The following SDK1 variants were observed in gnomAD, a reference collection of about 807,000 sequenced individuals.
SDK1 encodes the protein protein sidekick-1.
Under a neutral mutation model 245.5 loss-of-function variants are expected in SDK1, and 157 were observed. That is an observed-to-expected ratio of 0.64 (90% CI 0.56 to 0.73). The LOEUF (loss-of-function observed/expected upper bound fraction) is 0.73, where lower values mean the gene tolerates loss of function less well. Ranked by LOEUF, SDK1 falls within the 30% of genes least tolerant of loss-of-function variation. The pLI, the probability that SDK1 is intolerant of heterozygous loss-of-function variation, is 0.00. For synonymous variants in SDK1, 1,647 were observed against 1,278.5 expected (o/e 1.29, Z -6.15); for missense variants, 3,583 against 3,002.3 (o/e 1.19, Z -4.52).
chr7:3,606,496 C>G (rs1417564009), intron 1 of SDK1, among the ~76,000 whole-genome samples: 6 of 152,130 alleles, frequency 3.9e-5, no homozygotes. Flanking sequence ...AGACTTCTTC[C>G]TCTTACTTTT....
intron 5 of SDK1, among the ~76,000 whole-genome samples, chr7:3,869,281 G>A (rs967551068): frequency 2.6e-5 from 4 of 151,046 alleles, no homozygotes; most frequent in Admixed American, 2.0e-4. Flanking sequence ...TCAGCCTTCC[G>A]GGTAGATGGG....
intron 14 of SDK1, among the ~76,000 whole-genome samples, chr7:4,002,811 C>G (rs2128145088): frequency 6.6e-6 from 1 of 152,268 alleles, no homozygotes; most frequent in East Asian, 1.9e-4. Context: ...TTTCGGAGCT[C>G]TTGTTAAGAA....
chr7:3,862,003 A>G (rs905099617), intron 5 of SDK1, among the ~76,000 whole-genome samples: 1 of 152,190 alleles, frequency 6.6e-6, no homozygotes, highest in African/African-American at 2.4e-5. Context: ...GCAGCAAACA[A>G]AGGCTGCCGA....
At chr7:4,092,076 C>T (rs1781842220) in intron 22 of SDK1, among the ~76,000 whole-genome samples, 1 of 152,220 alleles carries the variant, frequency 6.6e-6, no homozygotes, top group Non-Finnish European at 1.5e-5. Flanking sequence ...ATCCCAGCTC[C>T]ATCACTTTCT....
chr7:4,075,604 C>G (rs1780619371), intron 20 of SDK1, among the ~76,000 whole-genome samples: 1 of 151,874 alleles, frequency 6.6e-6, no homozygotes, highest in Non-Finnish European at 1.5e-5. Context: ...ATCACATTAA[C>G]TCCCCTCCAC....
intron 4 of SDK1, among the ~76,000 whole-genome samples, chr7:3,698,979 G>A (rs917870044): frequency 2.0e-5 from 3 of 152,132 alleles, no homozygotes; most frequent in Non-Finnish European, 2.9e-5. Flanking sequence ...AGAGGCCCAG[G>A]GGACGCTGGA....
At chr7:3,978,285 T>A (rs1045669373) in intron 13 of SDK1, among the ~76,000 whole-genome samples, 6 of 152,224 alleles carry the variant, frequency 3.9e-5, no homozygotes, top group African/African-American at 1.4e-4. Flanking sequence ...TAGCCCATTC[T>A]TTTTATTCTG....
intron 14 of SDK1, among the ~76,000 whole-genome samples, chr7:4,007,451 A>G (rs1398086143): frequency 6.6e-6 from 1 of 152,242 alleles, no homozygotes; most frequent in East Asian, 1.9e-4. Flanking sequence ...AGTCCCGAGG[A>G]CAGAGCTGGA....
chr7:3,918,205 A>G (rs1424510729), intron 5 of SDK1, among the ~76,000 whole-genome samples: 1 of 152,158 alleles, frequency 6.6e-6, no homozygotes, highest in Non-Finnish European at 1.5e-5. Context: ...ACCCTGGAGC[A>G]GGGGTTCCCA....
At chr7:4,093,828 T>C (rs1019067160) in intron 22 of SDK1, among the ~76,000 whole-genome samples, 11 of 152,196 alleles carry the variant, frequency 7.2e-5, no homozygotes, top group Non-Finnish European at 4.4e-5. Context: ...TTTTGCTGTT[T>C]GCTGAGGCAC....
intron 40 of SDK1, among the ~76,000 whole-genome samples, chr7:4,222,885 A>G (rs1785221466): frequency 6.6e-6 from 1 of 152,082 alleles, no homozygotes; most frequent in South Asian, 2.1e-4. Flanking sequence ...GAGCACTTTC[A>G]GAGACTGACA....
rs148448619 is a variant in SDK1, at chr7:3,469,629, A to T, written c.299-149451A>T. ...TGTATGCCTAGCTTTTCCTTATCCA[A>T]TGACCTTTGTAAAGACTTTGTATTC... On this transcript the variant is annotated intron_variant, in intron 1 of 44. Transcript: ENST00000404826. 1.8e-4 allele frequency among the ~76,000 whole-genome samples: 27 copies of T among 152,228 alleles called. No homozygotes were observed. The East Asian group carries it at 4.6e-3, about 26-fold the overall frequency.
intron 1 of SDK1, among the ~76,000 whole-genome samples, chr7:3,508,308 ATTC>A (rs202047832): frequency 5.0e-4 from 70 of 140,942 alleles, no homozygotes; most frequent in East Asian, 1.7e-3. Context: ...TGACATCATC[ATTC>A]TTCTTCTTCT....
rs1320478442 is a variant in SDK1 at position 3,716,780 on chromosome 7, AAAAG to A, written c.713+74679_713+74682del. 2.0e-5 allele frequency among the ~76,000 whole-genome samples: 3 copies of A among 151,504 alleles called. No homozygotes were observed. The East Asian group carries it at 5.8e-4, about 29-fold the overall frequency. ...TCTCACCAAAAAAAAAGAAAAAAAAAAAAGAAAAAGGAAAAATCAAACTAAGGAA... is the reference window on the plus strand; with the variant it reads ...TCTCACCAAAAAAAAAGAAAAAAAAAAAAAAGGAAAAATCAAACTAAGGAA... On this transcript the variant is annotated intron_variant, in intron 4 of 44. Coordinates refer to ENST00000404826, the MANE Select transcript of SDK1 (RefSeq NM_152744.4).
chr7:3,863,336 G>A (rs1285703245), intron 5 of SDK1, among the ~76,000 whole-genome samples: 4 of 152,164 alleles, frequency 2.6e-5, no homozygotes, highest in Non-Finnish European at 4.4e-5. Context: ...CCACTTGTCA[G>A]CATTTCCACT....
At chr7:3,464,282 C>T (rs774551143) in intron 1 of SDK1, among the ~76,000 whole-genome samples, 12 of 152,188 alleles carry the variant, frequency 7.9e-5, no homozygotes, top group South Asian at 4.2e-4. Flanking sequence ...CTAACACTTT[C>T]GGAGGCCAAG....
chr7:3,911,473 C>T (rs1779160060), intron 5 of SDK1, among the ~76,000 whole-genome samples: 1 of 152,168 alleles, frequency 6.6e-6, no homozygotes, highest in African/African-American at 2.4e-5. Flanking sequence ...GCTGTGTCCT[C>T]ACATGGCGGA....
chr7:3,988,714 T>A (rs796287316), intron 14 of SDK1, among the ~76,000 whole-genome samples: 16 of 152,296 alleles, frequency 1.1e-4, no homozygotes, highest in African/African-American at 2.9e-4. Flanking sequence ...TCATGATAGA[T>A]AATCCATTAC....
intron 34 of SDK1, among the ~76,000 whole-genome samples, chr7:4,177,573 T>G (rs1173804181): frequency 6.6e-6 from 1 of 152,134 alleles, no homozygotes; most frequent in Non-Finnish European, 1.5e-5. Flanking sequence ...GTTCATAATT[T>G]CAAGGAGAGA....
Sources: allele counts gnomAD v4.1 joint callset (sites outside exome capture counted in the v4.1 genomes callset), GRCh38; gene constraint gnomAD v4.1.1; transcripts MANE v1.5; gene names NCBI Gene and HGNC (gene_info 2026-07-23, HGNC 2026-07-21).